The following SCD5 variants were observed in gnomAD, a reference collection of about 807,000 sequenced individuals.
The protein encoded by SCD5 is acyl-CoA-desaturase 4.
A neutral mutation model predicts 30.4 loss-of-function variants in SCD5; 20 were observed. The ratio of observed to expected loss-of-function variants is 0.66; its 90% CI spans 0.46 to 0.96. The LOEUF (loss-of-function observed/expected upper bound fraction) is 0.96, where lower values mean the gene tolerates loss of function less well. Ranked by LOEUF, SCD5 falls within the 40% of genes least tolerant of loss-of-function variation. The pLI, the probability that SCD5 is intolerant of heterozygous loss-of-function variation, is 0.00. For synonymous variants in SCD5, 173 were observed against 176.4 expected, an observed-to-expected ratio of 0.98 and a Z score of 0.16; for missense variants, 381 against 443.3, an observed-to-expected ratio of 0.86 and a Z score of 1.26.
chr4:82,732,102 A>AT (rs372036414), intron 1 of SCD5, among the ~76,000 whole-genome samples: 6,328 of 149,824 alleles, frequency 0.042, 192 homozygotes, highest in Non-Finnish European at 0.062. Context: ...TTTCTATTAC[A>AT]TTTTTTTTTC....
intron 3 of SCD5, among the ~76,000 whole-genome samples, chr4:82,655,450 A>G (rs1159083087): frequency 1.3e-5 from 2 of 152,240 alleles, no homozygotes; most frequent in African/African-American, 2.4e-5. Flanking sequence ...GTTCTGAGAT[A>G]TTTTATGAAC....
At chr4:82,710,163 A>G (rs550938815) in intron 1 of SCD5, among the ~76,000 whole-genome samples, 7 of 152,212 alleles carry the variant, frequency 4.6e-5, no homozygotes, top group Admixed American at 1.3e-4. Flanking sequence ...GGGGCCAGAC[A>G]GCAGGCATCT....
chr4:82,794,426 C>A (rs1374961796), intron 1 of SCD5, among the ~76,000 whole-genome samples: 1 of 152,178 alleles, frequency 6.6e-6, no homozygotes, highest in African/African-American at 2.4e-5. Context: ...TGGGAGCCAA[C>A]AGCCAGATGT....
At chr4:82,777,557 C>A (rs936862474) in intron 1 of SCD5, among the ~76,000 whole-genome samples, 1 of 152,184 alleles carries the variant, frequency 6.6e-6, no homozygotes, top group Non-Finnish European at 1.5e-5. Context: ...TGACACAGGG[C>A]CCCATCCTTA....
intron 1 of SCD5, among the ~76,000 whole-genome samples, chr4:82,732,304 T>G (rs945175392): frequency 6.6e-6 from 1 of 152,106 alleles, no homozygotes; most frequent in Non-Finnish European, 1.5e-5. Flanking sequence ...AGGCCAAACC[T>G]GTCTCGAACT....
intron 1 of SCD5, among the ~76,000 whole-genome samples, chr4:82,716,585 G>A (rs1257564575): frequency 2.0e-5 from 3 of 151,700 alleles, no homozygotes; most frequent in Admixed American, 2.0e-4. Flanking sequence ...AGGCCGAGGT[G>A]GGCGGATCAC....
rs141788402 is a variant in SCD5, at chr4:82,797,792, C to G, written c.232+514G>C. ...TGGTGCGCGTAAACCAAGACTCTAT[C>G]CTGTGCCGGGTCTCTCCTCCCCGGT... On this transcript the variant is annotated intron_variant, in intron 1 of 4. Transcript: ENST00000319540. Among the ~76,000 whole-genome samples, 145 of 152,274 alleles carry G rather than the reference C, an allele frequency of 9.5e-4. 1 individual carries two copies. The highest frequency in any genetic ancestry group is 3.2e-3 in the African/African-American group (133 of 41,560).
At chr4:82,726,229 C>G (rs1008677471) in intron 1 of SCD5, among the ~76,000 whole-genome samples, 1 of 152,056 alleles carries the variant, frequency 6.6e-6, no homozygotes, top group African/African-American at 2.4e-5. Context: ...GACAGCCTGA[C>G]CAACATGGAG....
At position 82,665,045 on chromosome 4, in the gene SCD5, C is replaced by CACACACAT. The variant is rs3047047; in HGVS notation, c.569+15661_569+15662insATGTGTGT. Among the ~76,000 whole-genome samples the CACACACAT allele has an allele frequency of 2.3e-3, 270 of 118,002 alleles. 3 individuals carry two copies. The highest frequency in any genetic ancestry group is 0.015 in the East Asian group (67 of 4,546). The allele number at this position is 118,002 out of a possible 152,430, so 77.4% of individuals were successfully genotyped here. A position where few individuals can be genotyped will look rare whatever the true frequency, so the allele number is the denominator to read the frequency against. ...TGTATAATACACACACACACACACA[C>CACACACAT]ATATATACACACACACATATATATA... On this transcript the variant is annotated intron_variant, in intron 3 of 4. Transcript: ENST00000319540.
intron 3 of SCD5, among the ~76,000 whole-genome samples, chr4:82,680,409 G>C (rs750161251): frequency 3.3e-5 from 5 of 152,220 alleles, no homozygotes; most frequent in Non-Finnish European, 5.9e-5. Flanking sequence ...TGGGGCAGTG[G>C]GGAAACACAG....
chr4:82,657,135 C>A (rs915856891), intron 3 of SCD5, among the ~76,000 whole-genome samples: 1 of 152,128 alleles, frequency 6.6e-6, no homozygotes, highest in African/African-American at 2.4e-5. Flanking sequence ...GCTTTCATTG[C>A]CGTTGCTTTT....
chr4:82,753,261 T>G (rs1057017236), intron 1 of SCD5: 6 of 469,962 alleles, frequency 1.3e-5, no homozygotes, highest in African/African-American at 1.2e-4. Flanking sequence ...TGAGACCAAA[T>G]TAATCCACAT....
chr4:82,637,136 C>T (rs1727450126), intron 3 of SCD5, among the ~76,000 whole-genome samples: 2 of 152,182 alleles, frequency 1.3e-5, no homozygotes, highest in African/African-American at 4.8e-5. Flanking sequence ...TATCTTAGAG[C>T]TACATTTATC....
chr4:82,637,227 T>G (rs991275329), intron 3 of SCD5, among the ~76,000 whole-genome samples: 4 of 152,298 alleles, frequency 2.6e-5, no homozygotes, highest in African/African-American at 9.6e-5. Context: ...CAAATAATTT[T>G]GAGAAATAGT....
chr4:82,793,630 A>G (rs187596766), intron 1 of SCD5, among the ~76,000 whole-genome samples: 34 of 152,358 alleles, frequency 2.2e-4, no homozygotes, highest in Non-Finnish European at 4.4e-4. Context: ...ATTAGGACCA[A>G]TAATAATGAC....
intron 1 of SCD5, among the ~76,000 whole-genome samples, chr4:82,734,530 AT>A (rs1315132802): frequency 6.6e-6 from 1 of 152,206 alleles, no homozygotes; most frequent in Non-Finnish European, 1.5e-5. Context: ...CATAAAGGAG[AT>A]GTAAGGGTTT....
chr4:82,660,693 T>C, intron 3 of SCD5: 1 of 1,429,316 alleles, frequency 7.0e-7, no homozygotes, highest in South Asian at 1.5e-5. Flanking sequence ...TAGGACCATA[T>C]TTTACCTCCC....
intron 1 of SCD5, among the ~76,000 whole-genome samples, chr4:82,720,226 A>C (rs553008079): frequency 6.6e-6 from 1 of 151,988 alleles, no homozygotes; most frequent in Admixed American, 6.6e-5. Flanking sequence ...GCCCCGGTTC[A>C]AGACCAGCTT....
intron 3 of SCD5, among the ~76,000 whole-genome samples, chr4:82,647,229 G>GC (rs1727650810): frequency 6.6e-6 from 1 of 152,158 alleles, no homozygotes. Context: ...ACGTATGTGT[G>GC]CAAGTGTGTT....
Sources: gnomAD v4.1 joint callset for allele counts (sites outside exome capture counted in the v4.1 genomes callset) on GRCh38, gnomAD v4.1.1 for gene constraint, MANE v1.5 for transcripts, NCBI Gene and HGNC (gene_info 2026-07-23, HGNC 2026-07-21) for gene names.